KDM4A: variants seen among roughly 807,000 people sequenced by gnomAD.
KDM4A encodes lysine-specific demethylase 4A.
KDM4A carries 23 observed loss-of-function variants against 127.1 expected under a neutral mutation model. That is an observed-to-expected ratio of 0.18 (90% CI 0.13 to 0.26). The LOEUF is 0.26. Among genes scored for constraint, KDM4A ranks in the 10% least tolerant of loss-of-function variants. KDM4A has a pLI of 1.00. For missense variants in KDM4A, 890 were observed against 1,329.1 expected (o/e 0.67, Z 5.14); for synonymous variants, 443 against 466.5 (o/e 0.95, Z 0.65).
chr1:43,703,689 G>C lies in KDM4A; in HGVS notation c.2914G>C (p.Val972Leu), dbSNP rs1661467381. The change falls in exon 20 of 22, where the codon GTC (valine) becomes CTC (leucine). Residue 972 changes from valine to leucine, a missense_variant. Around this residue, in one of 7 missense-constraint regions of KDM4A, gnomAD observed 246 missense variants for 418.4 expected, o/e 0.59. Transcript: ENST00000372396. Reference protein sequence around the residue: ...VVQVRWTDGQVYGAKFVASHP... With the variant: ...VVQVRWTDGQLYGAKFVASHP... ...CCAAGTGAGATGGACAGACGGCCAA[G>C]TCTATGGAGCCAAGTTTGTGGCCTC... The C allele has an allele frequency of 1.2e-6, 2 of 1,614,048 alleles. No individual in the cohort carries two copies. The highest frequency in any genetic ancestry group is 1.7e-5 in the Admixed American group (1 of 60,010).
rs776946990 is a variant in KDM4A, at chr1:43,671,817, C to T, written c.1676C>T (p.Pro559Leu). 3.8e-6 allele frequency: 6 copies of T among 1,596,108 alleles called. No homozygotes were observed. The highest frequency in any genetic ancestry group is 1.8e-5 in the Admixed American group (1 of 56,200). The change falls in exon 11 of 22, where the codon CCA becomes CTA. Residue 559 changes from proline to leucine, a missense_variant. Coordinates refer to ENST00000372396, the MANE Select transcript of KDM4A (RefSeq NM_014663.3). ...GATGGCAGGGTCACTGTGGGAGAGC[C>T]ATGCACGAGGAAGAAAGGAAGCGCC... Reference protein sequence around the residue: ...KGDGRVTVGEPCTRKKGSAAR... With the variant: ...KGDGRVTVGELCTRKKGSAAR...
Position 43,666,945 on chromosome 1 carries a change from C to T in KDM4A, c.778-9C>T, listed in dbSNP as rs1481973621. The T allele has an allele frequency of 1.2e-6, 2 of 1,613,870 alleles. No individual in the cohort carries two copies. Among genetic ancestry groups the T allele is most frequent in the South Asian group, 1.1e-5 (1 of 91,044 alleles). On this transcript the variant is annotated splice_polypyrimidine_tract_variant and intron_variant, in intron 7 of 21. Transcript: ENST00000372396. ...TTGAAGCAGCTGCTTCAAGTCTGCT[C>T]TTGTTCAGGTGACTCAAGAGGCTGG...
intron 18 of KDM4A, among the ~76,000 whole-genome samples, chr1:43,695,131 G>T (rs1377920760): frequency 6.6e-6 from 1 of 152,064 alleles, no homozygotes; most frequent in Non-Finnish European, 1.5e-5. Context: ...CTCTTTACTT[G>T]TCTGCCTCTC....
Position 43,693,269 on chromosome 1 carries a change from C to A in KDM4A, c.2376-725C>A, listed in dbSNP as rs1004375033. Among the ~76,000 whole-genome samples, 1 of 152,220 alleles carries A rather than the reference C, an allele frequency of 6.6e-6. No individual in the cohort carries two copies. Among genetic ancestry groups the A allele is most frequent in the Non-Finnish European group, 1.5e-5 (1 of 68,032 alleles). ...CACACAGAACAAATCTGTTCCCACT[C>A]TAAAAAGACAGCCCCACTAGAACTG... On this transcript the variant is annotated intron_variant, in intron 16 of 21. Coordinates refer to ENST00000372396, the MANE Select transcript of KDM4A (RefSeq NM_014663.3). This position sits in a 1 kb window ranked among gnomAD's most constrained non-coding sequence, Gnocchi z 4.2.
chr1:43,656,811 C>A (rs1251146811), intron 3 of KDM4A, among the ~76,000 whole-genome samples: 2 of 151,816 alleles, frequency 1.3e-5, no homozygotes, highest in Non-Finnish European at 2.9e-5. Flanking sequence ...CTGCAACCTC[C>A]ACCTCCCGGG....
At chr1:43,691,753 T>TA (rs1358963141) in intron 15 of KDM4A, among the ~76,000 whole-genome samples, 181 bp downstream of exon 15, 1 of 152,160 alleles carries the variant, frequency 6.6e-6, no homozygotes, top group African/African-American at 2.4e-5. Context: ...GCTGCCCACT[T>TA]ACGGAGTCTG....
intron 19 of KDM4A, chr1:43,702,040 TAAC>T (rs1416272325): frequency 1.3e-5 from 2 of 152,342 alleles, no homozygotes; most frequent in African/African-American, 4.8e-5. Context: ...AAAAATGCAA[TAAC>T]AACTAGTAGA....
At chr1:43,670,241 AT>A (rs1248811833) in intron 10 of KDM4A, among the ~76,000 whole-genome samples, 1 of 152,170 alleles carries the variant, frequency 6.6e-6, no homozygotes, top group Non-Finnish European at 1.5e-5. Context: ...TGGGTCAGGT[AT>A]GACCCAAAGA....
intron 16 of KDM4A, among the ~76,000 whole-genome samples, chr1:43,692,822 C>T (rs935174917): frequency 1.1e-4 from 17 of 152,194 alleles, no homozygotes; most frequent in Non-Finnish European, 5.9e-5. Flanking sequence ...CTGGGCTTCT[C>T]AGCTGTTGGG....
rs1021961393 is a variant in KDM4A, at chr1:43,653,388, C to T, written c.138+75C>T. The T allele has an allele frequency of 3.1e-5, 44 of 1,424,194 alleles. No homozygotes were observed. The African/African-American group carries it at 4.6e-4, about 15-fold the overall frequency. The allele number at this position is 1,424,194 out of a possible 1,614,324, so 88.2% of individuals were successfully genotyped here. ...TAAGATTTTTTTCCTACATTTGGGC[C>T]GGAACTGTGTTTTACTGAAAGTTGG... On this transcript the variant is annotated intron_variant, in intron 2 of 21. Transcript: ENST00000372396.
intron 19 of KDM4A, 48 bp from the exon 20 acceptor site, chr1:43,703,569 T>G (rs762964408): frequency 5.0e-5 from 80 of 1,608,836 alleles, no homozygotes; most frequent in Non-Finnish European, 6.5e-5. Flanking sequence ...GTTACCTTTG[T>G]GTGCAGGTGG....
intron 10 of KDM4A, 56 bp from the exon 11 acceptor site, chr1:43,671,449 C>T: frequency 6.7e-7 from 1 of 1,485,984 alleles, no homozygotes; most frequent in South Asian, 1.4e-5. Flanking sequence ...TGCCTTTCAT[C>T]AGGTTCACAT....
rs2154049816 is a variant in KDM4A at position 43,704,821 on chromosome 1, C to A, written c.*451C>A. ...TGCGTGCGTGTATGTTTGGTCTGGA[C>A]CAGCTTCTGCCAGCCCCTGGCCTTT... On this transcript the variant is annotated 3_prime_UTR_variant, in exon 22 of 22. Coordinates refer to ENST00000372396, the MANE Select transcript of KDM4A (RefSeq NM_014663.3). 6.2e-6 allele frequency: 1 copy of A among 162,118 alleles called. No homozygotes were observed. The highest frequency in any genetic ancestry group is 1.9e-4 in the East Asian group (1 of 5,358). The allele number at this position is 162,118 out of a possible 1,614,324, so 10.0% of individuals were successfully genotyped here.
chr1:43,697,695 G>GT (rs1349433088), intron 18 of KDM4A, 148 bp from the exon 19 acceptor site: 1 of 720,284 alleles, frequency 1.4e-6, no homozygotes, highest in Non-Finnish European at 2.2e-6. Flanking sequence ...GGAAAGGCTT[G>GT]TTTTAGCTCC....
intron 13 of KDM4A, 75 bp downstream of exon 13, chr1:43,689,170 A>G (rs1005861253): frequency 1.8e-5 from 27 of 1,472,074 alleles, no homozygotes; most frequent in Middle Eastern, 3.5e-4. Flanking sequence ...GTGAGTATAT[A>G]GCTTGTCACT....
intron 10 of KDM4A, among the ~76,000 whole-genome samples, chr1:43,670,799 G>A (rs538139121): frequency 4.6e-5 from 7 of 152,028 alleles, no homozygotes; most frequent in Non-Finnish European, 1.0e-4. Flanking sequence ...CTGACATCGT[G>A]ATCCGCCCAC....
chr1:43,677,503 T>G (rs1172309810), intron 11 of KDM4A, among the ~76,000 whole-genome samples: 4 of 152,182 alleles, frequency 2.6e-5, no homozygotes, highest in African/African-American at 9.7e-5. Flanking sequence ...GTTGATTGGT[T>G]TGTATCAGGA....
intron 12 of KDM4A, among the ~76,000 whole-genome samples, chr1:43,686,557 G>C (rs1393546722): frequency 6.7e-6 from 1 of 149,916 alleles, no homozygotes; most frequent in Non-Finnish European, 1.5e-5. Context: ...GGCTTGTCTC[G>C]AACTCCTGAC....
Position 43,665,743 on chromosome 1 carries a change from A to G in KDM4A, c.671A>G (p.Lys224Arg), listed in dbSNP as rs1425063643. 1.9e-6 allele frequency: 3 copies of G among 1,614,016 alleles called. No homozygotes were observed. In the South Asian group the frequency reaches 3.3e-5, roughly 18 times the overall value. ...EHGKRLERLAKGFFPGSAQSC... is the reference protein window; with the variant it reads ...EHGKRLERLARGFFPGSAQSC... ...GGAAAGCGGTTGGAACGCCTCGCCAAAGGTACTGTGTCTCTTCTGTTTGCT... is the reference window on the plus strand; with the variant it reads ...GGAAAGCGGTTGGAACGCCTCGCCAGAGGTACTGTGTCTCTTCTGTTTGCT... The change falls in exon 6 of 22, where the codon AAA (lysine) becomes AGA (arginine). Residue 224 changes from lysine (K) to arginine (R), a missense_variant and splice_region_variant. Coordinates refer to ENST00000372396, the MANE Select transcript of KDM4A (RefSeq NM_014663.3).
Sources: allele counts gnomAD v4.1 joint callset (sites outside exome capture counted in the v4.1 genomes callset), GRCh38; gene constraint gnomAD v4.1.1; regional missense constraint gnomAD v4.1.1; non-coding constraint Gnocchi (gnomAD v3.1); transcripts MANE v1.5; gene names NCBI Gene and HGNC (gene_info 2026-07-23, HGNC 2026-07-21).